VIPR2: variants seen among roughly 807,000 people sequenced by gnomAD.
The protein encoded by VIPR2 is vasoactive intestinal polypeptide receptor 2.
VIPR2 carries 48 observed loss-of-function variants against 58.0 expected under a neutral mutation model. That is an observed-to-expected ratio of 0.83 (90% CI 0.66 to 1.05). The LOEUF (loss-of-function observed/expected upper bound fraction) is 1.05, where lower values mean the gene tolerates loss of function less well. VIPR2 is among the 50% of genes least tolerant of loss of function. The pLI is 0.00. For synonymous variants in VIPR2, 243 were observed against 235.2 expected (o/e 1.03, Z -0.30); for missense variants, 534 against 558.0 (o/e 0.96, Z 0.43).
At chr7:159,124,620 A>G (rs868248305) in intron 2 of VIPR2, among the ~76,000 whole-genome samples, 11 of 152,302 alleles carry the variant, frequency 7.2e-5, no homozygotes, top group Middle Eastern at 3.4e-3. Flanking sequence ...TGTCTTAGCT[A>G]TGTGGGCTCT....
At chr7:159,082,009 T>C (rs1033073008) in intron 4 of VIPR2, among the ~76,000 whole-genome samples, 3 of 152,222 alleles carry the variant, frequency 2.0e-5, no homozygotes, top group Admixed American at 2.0e-4. Context: ...ACTTTTACAC[T>C]GTTGGTGGGA....
intron 2 of VIPR2, among the ~76,000 whole-genome samples, chr7:159,125,630 C>T (rs1464575394): frequency 1.3e-5 from 2 of 152,206 alleles, no homozygotes; most frequent in African/African-American, 4.8e-5. Flanking sequence ...CCTAGTTCTG[C>T]TTTCTGGAGC....
At chr7:159,036,994 T>C in intron 6 of VIPR2, 92 bp from the exon 7 acceptor site, 1 of 1,444,854 alleles carries the variant, frequency 6.9e-7, no homozygotes. Context: ...ACAGGGCGCT[T>C]GGTATCTGTG....
At chr7:159,039,864 A>G (rs1366823228) in intron 6 of VIPR2, among the ~76,000 whole-genome samples, 1 of 152,200 alleles carries the variant, frequency 6.6e-6, no homozygotes. Context: ...TGATGCCTGC[A>G]GCGGCAAAAG....
At chr7:159,053,795 GT>G in intron 5 of VIPR2, among the ~76,000 whole-genome samples, 1 of 152,292 alleles carries the variant, frequency 6.6e-6, no homozygotes, top group East Asian at 1.9e-4. Flanking sequence ...CAATCATTCT[GT>G]CTTGGCCTCC....
intron 4 of VIPR2, among the ~76,000 whole-genome samples, chr7:159,067,390 C>T (rs553867376): frequency 5.3e-5 from 8 of 152,324 alleles, no homozygotes; most frequent in African/African-American, 1.9e-4. Flanking sequence ...GGGCAATGCC[C>T]AGAACTTATA....
chr7:159,055,950 G>A lies in VIPR2; in HGVS notation c.455+2531C>T, dbSNP rs560543655. Reference sequence around the variant, plus strand: ...GGACCAGAGTCTGCTCATTAGCAATGGTGGGAAAGGATTTTGGAGGCCACG... The same window carrying A: ...GGACCAGAGTCTGCTCATTAGCAATAGTGGGAAAGGATTTTGGAGGCCACG... On this transcript the variant is annotated intron_variant, in intron 5 of 12. Coordinates refer to ENST00000262178, the MANE Select transcript of VIPR2 (RefSeq NM_003382.5). Among the ~76,000 whole-genome samples, 3 of 152,312 alleles carry A rather than the reference G, an allele frequency of 2.0e-5. No homozygotes were observed. The South Asian group carries it at 6.2e-4, about 32-fold the overall frequency.
At chr7:159,140,830 C>T (rs1797436825) in intron 2 of VIPR2, among the ~76,000 whole-genome samples, 1 of 152,196 alleles carries the variant, frequency 6.6e-6, no homozygotes, top group Admixed American at 6.5e-5. Context: ...ATGTGCTGAC[C>T]TGCCTTTGGG....
chr7:159,046,050 A>C (rs998372481), intron 5 of VIPR2, among the ~76,000 whole-genome samples: 35 of 152,236 alleles, frequency 2.3e-4, no homozygotes, highest in African/African-American at 7.7e-4. Context: ...TAGTAATAAT[A>C]ATAATAAATT....
At chr7:159,132,861 TTAGA>T (rs1797003536) in intron 2 of VIPR2, among the ~76,000 whole-genome samples, 6 of 128,256 alleles carry the variant, frequency 4.7e-5, no homozygotes, top group Admixed American at 1.6e-4. Flanking sequence ...CCGATTGATT[TTAGA>T]CAGAATGATT....
chr7:159,089,709 ACAACAACAG>A (rs915312899), intron 4 of VIPR2, among the ~76,000 whole-genome samples: 1 of 152,188 alleles, frequency 6.6e-6, no homozygotes, highest in Non-Finnish European at 1.5e-5. Context: ...AACAACAACA[ACAACAACAG>A]CAAAAACCTG....
intron 4 of VIPR2, chr7:159,059,502 C>G (rs940632021): frequency 2.2e-5 from 8 of 367,262 alleles, no homozygotes; most frequent in Non-Finnish European, 3.8e-5. Flanking sequence ...GAAAGTTATG[C>G]TCTTGTTTAT....
chr7:159,041,676 A>ATGGGTC (rs1474125973), intron 6 of VIPR2, among the ~76,000 whole-genome samples: 198 of 120,054 alleles, frequency 1.6e-3, no homozygotes, highest in Middle Eastern at 4.1e-3. Context: ...GAGGGTCTGT[A>ATGGGTC]ACGGGTCCTG....
chr7:159,034,381 C>G, intron 9 of VIPR2, 77 bp from the exon 10 acceptor site: 1 of 1,425,358 alleles, frequency 7.0e-7, no homozygotes, highest in East Asian at 2.4e-5. Flanking sequence ...GATTTCGACC[C>G]TCCCCTCCGC....
chr7:159,141,668 C>T (rs1797470401), intron 2 of VIPR2, among the ~76,000 whole-genome samples: 1 of 152,262 alleles, frequency 6.6e-6, no homozygotes, highest in Admixed American at 6.5e-5. Flanking sequence ...ATCTCTCATG[C>T]TTCTTTTTAC....
rs1384860044 is a variant in VIPR2, at chr7:159,098,470, G to C, written c.357+5287C>G. Among the ~76,000 whole-genome samples, 4 of 152,190 alleles carry C rather than the reference G, an allele frequency of 2.6e-5. No individual in the cohort carries two copies. Among genetic ancestry groups the C allele is most frequent in the African/African-American group, 9.7e-5 (4 of 41,450 alleles). ...GGCAGGAAGAGGACACAGACGGGAA[G>C]ACCTTGGACAGGGAGACTGATCCCT... On this transcript the variant is annotated intron_variant, in intron 4 of 12. Transcript: ENST00000262178. This position sits in a 1 kb window ranked among gnomAD's most constrained non-coding sequence, Gnocchi z 5.2.
intron 2 of VIPR2, among the ~76,000 whole-genome samples, chr7:159,138,539 C>T (rs1290491993): frequency 3.9e-5 from 6 of 152,132 alleles, no homozygotes; most frequent in Admixed American, 2.6e-4. Flanking sequence ...CTGGGAGAGA[C>T]TAAAGAAACA....
chr7:159,033,098 C>A (rs146816400), intron 10 of VIPR2, among the ~76,000 whole-genome samples: 2 of 152,122 alleles, frequency 1.3e-5, no homozygotes, highest in African/African-American at 4.8e-5. Flanking sequence ...AGCAAATATC[C>A]GGCAAATATA....
At chr7:159,055,930 A>G (rs540451716) in intron 5 of VIPR2, among the ~76,000 whole-genome samples, 11 of 152,370 alleles carry the variant, frequency 7.2e-5, no homozygotes, top group African/African-American at 2.6e-4. Flanking sequence ...AAGGGGGACC[A>G]GAGTCTGCTC....
Sources: gnomAD v4.1 joint callset for allele counts (sites outside exome capture counted in the v4.1 genomes callset) on GRCh38, gnomAD v4.1.1 for gene constraint, Gnocchi (gnomAD v3.1) non-coding constraint, MANE v1.5 for transcripts, NCBI Gene and HGNC (gene_info 2026-07-23, HGNC 2026-07-21) for gene names.